The following NAV2 variants were observed in gnomAD, a reference collection of about 807,000 sequenced individuals.
The protein encoded by NAV2 is neuron navigator 2.
In NAV2, 54 loss-of-function variants were observed where a neutral mutation model predicts 223.2. The ratio of observed to expected loss-of-function variants is 0.24; its 90% CI spans 0.19 to 0.30. NAV2 has a LOEUF of 0.30. Ranked by LOEUF, NAV2 falls within the 10% of genes least tolerant of loss-of-function variation. NAV2 has a pLI of 1.00. For missense variants in NAV2, 2,806 were observed against 3,147.5 expected, an observed-to-expected ratio of 0.89 and a Z score of 2.60; for synonymous variants, 1,279 against 1,239.3, an observed-to-expected ratio of 1.03 and a Z score of -0.67.
At chr11:19,456,716 T>A (rs948975894) in intron 1 of NAV2, among the ~76,000 whole-genome samples, 9 of 152,166 alleles carry the variant, frequency 5.9e-5, no homozygotes, top group African/African-American at 2.2e-4. Flanking sequence ...CAGGTAAAAT[T>A]GTTAGAGGTG....
intron 1 of NAV2, among the ~76,000 whole-genome samples, chr11:19,771,054 G>A (rs1214132515): frequency 6.6e-6 from 1 of 152,110 alleles, no homozygotes; most frequent in East Asian, 1.9e-4. Flanking sequence ...TGGAAAATTA[G>A]GGAGTAGGAT....
intron 1 of NAV2, among the ~76,000 whole-genome samples, chr11:19,718,603 G>A (rs1051209649): frequency 1.5e-5 from 2 of 137,200 alleles, no homozygotes; most frequent in Admixed American, 7.2e-5. Context: ...GATTTGATTA[G>A]TGCATTTTTC....
At chr11:19,986,062 T>G (rs2403550) in intron 11 of NAV2, among the ~76,000 whole-genome samples, 105,787 of 151,990 alleles carry the variant, frequency 0.7, 37,708 homozygotes, top group Middle Eastern at 0.83. Context: ...TAAAATACAG[T>G]CCTTACAAGA....
chr11:20,055,868 A>G lies in NAV2; in HGVS notation c.4742A>G (p.Asp1581Gly). ...NADGQYDPYTDSRFRNSSMSL... is the reference protein window; with the variant it reads ...NADGQYDPYTGSRFRNSSMSL... ...GATGGGCAGTATGATCCATACACTG[A>G]CAGCCGCTTCCGGAATAGCTCCATG... The change falls in exon 19 of 38, where the codon GAC (aspartate) becomes GGC (glycine). Residue 1581 changes from aspartate to glycine, a missense_variant. Physicochemically the swap from Asp to Gly is moderately conservative, Grantham distance 94. Around this residue, in one of 4 missense-constraint regions of NAV2, gnomAD observed 742 missense variants for 777.9 expected, o/e 0.95. Transcript: ENST00000349880. The G allele has an allele frequency of 1.2e-6, 2 of 1,614,216 alleles. No homozygotes were observed. The highest frequency in any genetic ancestry group is 1.7e-6 in the Non-Finnish European group (2 of 1,180,032).
At chr11:19,681,629 G>T (rs1246350278) in intron 1 of NAV2, among the ~76,000 whole-genome samples, 2 of 152,180 alleles carry the variant, frequency 1.3e-5, no homozygotes, top group Admixed American at 6.5e-5. Context: ...ATGAGCCCTT[G>T]GTCCTCCACA....
chr11:19,906,689 A>C (rs1370174896), intron 6 of NAV2, among the ~76,000 whole-genome samples: 3 of 152,176 alleles, frequency 2.0e-5, no homozygotes, highest in Non-Finnish European at 4.4e-5. Context: ...AGTCCCATAG[A>C]AGGTGTCTCT....
At chr11:19,428,538 G>A (rs779671616) in intron 1 of NAV2, among the ~76,000 whole-genome samples, 25 of 152,214 alleles carry the variant, frequency 1.6e-4, no homozygotes, top group Non-Finnish European at 3.1e-4. Context: ...TGGATTACCC[G>A]AGTTAGGATA....
At chr11:19,959,427 G>T (rs1256590870) in intron 10 of NAV2, among the ~76,000 whole-genome samples, 1 of 152,196 alleles carries the variant, frequency 6.6e-6, no homozygotes. Context: ...ACTAGAGCAG[G>T]TCCTGTGGGG....
chr11:19,684,946 G>A (rs2016243), intron 1 of NAV2, among the ~76,000 whole-genome samples: 16,774 of 152,162 alleles, frequency 0.11, 1,106 homozygotes, highest in African/African-American at 0.17. Flanking sequence ...AGTGAGTGCT[G>A]ATTTCCCATC....
chr11:19,734,435 C>A (rs1378544518), intron 1 of NAV2, among the ~76,000 whole-genome samples: 1 of 152,152 alleles, frequency 6.6e-6, no homozygotes, highest in African/African-American at 2.4e-5. Flanking sequence ...CTGTGCCAGC[C>A]AATTCCTTCC....
At chr11:19,608,205 C>A (rs931575032) in intron 1 of NAV2, among the ~76,000 whole-genome samples, 3 of 152,216 alleles carry the variant, frequency 2.0e-5, no homozygotes, top group African/African-American at 7.2e-5. Context: ...TTCAAATAAA[C>A]AGAACTCATG....
chr11:19,545,402 G>A (rs1410232126), intron 1 of NAV2, among the ~76,000 whole-genome samples: 1 of 152,190 alleles, frequency 6.6e-6, no homozygotes, highest in Non-Finnish European at 1.5e-5. Flanking sequence ...TCTAAGGACG[G>A]CTCCCTTCCT....
intron 1 of NAV2, among the ~76,000 whole-genome samples, chr11:19,490,996 T>A (rs1472740686): frequency 1.3e-5 from 2 of 152,206 alleles, no homozygotes; most frequent in Non-Finnish European, 2.9e-5. Context: ...AGGTGCATTG[T>A]CAATGAGCAA....
At chr11:19,818,884 T>A (rs2059239509) in intron 1 of NAV2, among the ~76,000 whole-genome samples, 1 of 152,218 alleles carries the variant, frequency 6.6e-6, no homozygotes, top group Non-Finnish European at 1.5e-5. Flanking sequence ...ACATACTTAT[T>A]CATCTGTCCC....
intron 16 of NAV2, among the ~76,000 whole-genome samples, chr11:20,050,845 A>T (rs2057929902): frequency 6.6e-6 from 1 of 152,144 alleles, no homozygotes; most frequent in South Asian, 2.1e-4. Flanking sequence ...CTGTTCTCCC[A>T]TTTGAAGTCA....
chr11:19,582,987 T>C (rs1483243072), intron 1 of NAV2, among the ~76,000 whole-genome samples: 1 of 152,352 alleles, frequency 6.6e-6, no homozygotes, highest in Non-Finnish European at 1.5e-5. Flanking sequence ...ATTTTCACGA[T>C]ATTGATTCTT....
chr11:19,920,986 G>A (rs992860546), intron 6 of NAV2, among the ~76,000 whole-genome samples: 1 of 152,174 alleles, frequency 6.6e-6, no homozygotes, highest in African/African-American at 2.4e-5. Context: ...GGAGGAAATT[G>A]TTTCCTGATT....
At chr11:19,743,817 G>A (rs2053080192) in intron 1 of NAV2, among the ~76,000 whole-genome samples, 1 of 152,214 alleles carries the variant, frequency 6.6e-6, no homozygotes, top group South Asian at 2.1e-4. Context: ...GCAGCTGTCT[G>A]GACTGGTCCA....
At chr11:19,990,509 C>T (rs1395105533) in intron 11 of NAV2, among the ~76,000 whole-genome samples, 1 of 152,064 alleles carries the variant, frequency 6.6e-6, no homozygotes, top group Admixed American at 6.5e-5. Context: ...GAAGGGCACC[C>T]TAAAATACCT....
Sources: gnomAD v4.1 joint callset for allele counts (sites outside exome capture counted in the v4.1 genomes callset) on GRCh38, gnomAD v4.1.1 for gene constraint, gnomAD v4.1.1 regional missense constraint, MANE v1.5 for transcripts, NCBI Gene and HGNC (gene_info 2026-07-23, HGNC 2026-07-21) for gene names.